Variants in GLG1 observed in about 807,000 individuals in gnomAD.
GLG1 encodes the protein Golgi apparatus protein 1.
In GLG1, 38 loss-of-function variants were observed where a neutral mutation model predicts 160.5. That is an observed-to-expected ratio of 0.24 (90% confidence interval 0.18 to 0.31). The LOEUF is 0.31. Ranked by LOEUF, GLG1 falls within the 10% of genes least tolerant of loss-of-function variation. The probability of loss-of-function intolerance (pLI) is 1.00; values close to 1 mark genes in which losing one functional copy is unlikely to be tolerated. For missense variants in GLG1, 1,373 were observed against 1,505.2 expected (o/e 0.91, Z 1.45); for synonymous variants, 644 against 543.4 (o/e 1.19, Z -2.57).
intron 1 of GLG1, among the ~76,000 whole-genome samples, chr16:74,592,997 G>T (rs1380630065): frequency 6.6e-6 from 1 of 152,074 alleles, no homozygotes; most frequent in Non-Finnish European, 1.5e-5. Context: ...TCTGATAAAA[G>T]GATGAGTTCT....
intron 1 of GLG1, among the ~76,000 whole-genome samples, chr16:74,554,293 C>A (rs1032674162): frequency 3.3e-5 from 5 of 151,474 alleles, no homozygotes; most frequent in African/African-American, 1.2e-4. Context: ...CAGAACTTTG[C>A]GGGGCCGAGG....
chr16:74,468,827 C>T, intron 17 of GLG1, 119 bp downstream of exon 17: 1 of 689,944 alleles, frequency 1.4e-6, no homozygotes, highest in Middle Eastern at 2.5e-4. Context: ...TTGCACAGGA[C>T]TTCAAGTCTT....
intron 1 of GLG1, among the ~76,000 whole-genome samples, chr16:74,533,272 G>C (rs556116664): frequency 2.6e-5 from 4 of 152,318 alleles, no homozygotes; most frequent in African/African-American, 7.2e-5. Flanking sequence ...AGTGAACCGA[G>C]ATCGCACCAC....
rs565794455 is a variant in GLG1 at position 74,535,355 on chromosome 16, T to C, written c.439-3202A>G. 7.6e-3 allele frequency among the ~76,000 whole-genome samples: 1,156 copies of C among 152,386 alleles called. 6 individuals carry two copies. The highest frequency in any genetic ancestry group is 0.026 in the African/African-American group (1,083 of 41,590). ...CCATGGAGACACAAAAGTGCAAATCTGGACACCAGTGCTTGCTTTTCATCT... is the reference window on the plus strand; with the variant it reads ...CCATGGAGACACAAAAGTGCAAATCCGGACACCAGTGCTTGCTTTTCATCT... On this transcript the variant is annotated intron_variant, in intron 1 of 25. Transcript: ENST00000422840.
intron 1 of GLG1, among the ~76,000 whole-genome samples, chr16:74,542,256 T>C (rs905555583): frequency 2.4e-4 from 35 of 147,278 alleles, no homozygotes; most frequent in African/African-American, 8.5e-4. Flanking sequence ...AACAGAATTA[T>C]CAACTTTGAT....
chr16:74,593,424 C>G (rs950456246), intron 1 of GLG1, among the ~76,000 whole-genome samples: 12 of 142,574 alleles, frequency 8.4e-5, no homozygotes, highest in Non-Finnish European at 1.3e-4. Flanking sequence ...AAGTGAAGTA[C>G]CAGAGCTTTT....
At chr16:74,478,103 T>C (rs559109268) in intron 11 of GLG1, among the ~76,000 whole-genome samples, 5 of 152,282 alleles carry the variant, frequency 3.3e-5, no homozygotes, top group Admixed American at 3.3e-4. Context: ...TAAACAACAT[T>C]CTTTTATGAC....
chr16:74,595,169 C>T (rs1009527204), intron 1 of GLG1, among the ~76,000 whole-genome samples: 1 of 150,428 alleles, frequency 6.6e-6, no homozygotes, highest in Middle Eastern at 3.2e-3. Context: ...GCCTGGGCAA[C>T]AGAGCAAGAA....
chr16:74,575,160 T>C (rs2018966125), intron 1 of GLG1, among the ~76,000 whole-genome samples: 1 of 150,122 alleles, frequency 6.7e-6, no homozygotes, highest in African/African-American at 2.5e-5. Flanking sequence ...GGCAGGGAAT[T>C]ACTTGAACCT....
At position 74,508,830 on chromosome 16, in the gene GLG1, A is replaced by C. The variant is rs1275600220; in HGVS notation, c.558+9T>G. 2 of 1,265,748 alleles carry C rather than the reference A, an allele frequency of 1.6e-6. No individual in the cohort carries two copies. Among genetic ancestry groups the C allele is most frequent in the South Asian group, 1.2e-5 (1 of 83,950 alleles). 78.4% of individuals were successfully genotyped at this position (1,265,748 alleles called of 1,614,324 possible). On this transcript the variant is annotated intron_variant, in intron 3 of 25. Transcript: ENST00000422840. ...CATTAGTTGTCTACAAAATTCTTTG[A>C]CAACTTACCTCTGTTATAGTAGATT...
At chr16:74,549,105 T>C (rs1401905618) in intron 1 of GLG1, among the ~76,000 whole-genome samples, 1 of 152,244 alleles carries the variant, frequency 6.6e-6, no homozygotes, top group East Asian at 1.9e-4. Flanking sequence ...CTCTCTGAGC[T>C]TTAAGCATTT....
chr16:74,543,037 C>T (rs1266073287), intron 1 of GLG1, among the ~76,000 whole-genome samples: 2 of 151,934 alleles, frequency 1.3e-5, no homozygotes, highest in Admixed American at 6.6e-5. Flanking sequence ...CCTGCACATG[C>T]CACAACTCTT....
chr16:74,581,893 C>T (rs1010359086), intron 1 of GLG1, among the ~76,000 whole-genome samples: 2 of 152,106 alleles, frequency 1.3e-5, no homozygotes, highest in African/African-American at 2.4e-5. Context: ...GCCCAGGCGA[C>T]GGTGAGACTC....
chr16:74,590,987 A>G (rs1488469042), intron 1 of GLG1, among the ~76,000 whole-genome samples: 1 of 151,864 alleles, frequency 6.6e-6, no homozygotes, highest in African/African-American at 2.4e-5. Flanking sequence ...ATGAAAATGA[A>G]GTTGTGGATT....
chr16:74,497,434 C>CTTTT lies in GLG1; in HGVS notation c.775-794_775-791dup, dbSNP rs773526380. Among the ~76,000 whole-genome samples the CTTTT allele has an allele frequency of 1.2e-3, 142 of 117,116 alleles. 1 individual carries two copies. Among genetic ancestry groups the CTTTT allele is most frequent in the Non-Finnish European group, 1.7e-3 (97 of 56,204 alleles). The allele number at this position is 117,116 out of a possible 152,430, so 76.8% of individuals were successfully genotyped here. On this transcript the variant is annotated intron_variant, in intron 4 of 25. Transcript: ENST00000422840. ...GGCATTTCCCAAATAACAGTGCTTGCTTTTTTTTTTTTTTTTTTTTTGAGA... is the reference window on the plus strand; with the variant it reads ...GGCATTTCCCAAATAACAGTGCTTGCTTTTTTTTTTTTTTTTTTTTTTTTTGAGA...
chr16:74,559,670 T>C (rs903350720), intron 1 of GLG1, among the ~76,000 whole-genome samples: 3 of 152,122 alleles, frequency 2.0e-5, no homozygotes, highest in African/African-American at 7.2e-5. Context: ...ACTTAATTCT[T>C]TGCCTGCTTT....
At position 74,453,067 on chromosome 16, in the gene GLG1, G is replaced by A. The variant is rs926127071; in HGVS notation, c.*100C>T. On this transcript the variant is annotated 3_prime_UTR_variant, in exon 26 of 26. Coordinates refer to ENST00000422840, the MANE Select transcript of GLG1 (RefSeq NM_001145667.2). ...CTGCTAATGCTCTAACACGGGGTTG[G>A]TGTCACTTCTGAGAAGAGCGAGGTG... 1.3e-6 allele frequency: 2 copies of A among 1,527,110 alleles called. No homozygotes were observed. The highest frequency in any genetic ancestry group is 2.0e-5 in the Admixed American group (1 of 49,508). 94.6% of individuals were successfully genotyped at this position (1,527,110 alleles called of 1,614,324 possible).
rs1336322180 is a variant in GLG1, at chr16:74,480,262, G to A, written c.1806C>T (p.Arg602=). ...VFSCLYRHAY[R]TEEQGRRLSR... Reference sequence around the variant, plus strand: ...ATACCCTCCTTCCCTGTTCCTCAGTGCGGTAGGCGTGTCTGTATAAACAAG... The same window carrying A: ...ATACCCTCCTTCCCTGTTCCTCAGTACGGTAGGCGTGTCTGTATAAACAAG... Residue 602 remains arginine (R), a synonymous_variant, in exon 11 of 26, where the codon CGC becomes CGT. Coordinates refer to ENST00000422840, the MANE Select transcript of GLG1 (RefSeq NM_001145667.2). 3.7e-6 allele frequency: 6 copies of A among 1,611,648 alleles called. No homozygotes were observed. Among genetic ancestry groups the A allele is most frequent in the Non-Finnish European group, 5.1e-6 (6 of 1,177,906 alleles).
intron 1 of GLG1, among the ~76,000 whole-genome samples, chr16:74,562,735 A>G (rs2018543675): frequency 1.3e-5 from 2 of 152,318 alleles, no homozygotes; most frequent in South Asian, 4.1e-4. Flanking sequence ...TCGGCCTCCC[A>G]AAGTGTAGAG....
Sources: allele counts gnomAD v4.1 joint callset (sites outside exome capture counted in the v4.1 genomes callset), GRCh38; gene constraint gnomAD v4.1.1; transcripts MANE v1.5; gene names NCBI Gene and HGNC (gene_info 2026-07-23, HGNC 2026-07-21).